Variants in KIF16B observed in about 807,000 individuals in gnomAD.
KIF16B encodes kinesin family member 16B, also known as kinesin-like protein KIF16B.
KIF16B carries 98 observed loss-of-function variants against 156.3 expected under a neutral mutation model. The observed-to-expected ratio is 0.63, with a 90% CI of 0.53 to 0.74. The LOEUF is 0.74. Among genes scored for constraint, KIF16B ranks in the 30% least tolerant of loss-of-function variants. The pLI, the probability that KIF16B is intolerant of heterozygous loss-of-function variation, is 0.00. For synonymous variants in KIF16B, 564 were observed against 583.7 expected (o/e 0.97, Z 0.49); for missense variants, 1,421 against 1,606.5 (o/e 0.88, Z 1.97).
At chr20:16,404,674 AC>A in intron 17 of KIF16B, 138 bp downstream of exon 17, 1 of 638,998 alleles carries the variant, frequency 1.6e-6, no homozygotes, top group Non-Finnish European at 2.8e-6. Context: ...CTGGAAAGGA[AC>A]TCGGAAAATG....
At chr20:16,381,866 A>T (rs1315544467) in intron 17 of KIF16B, 119 bp from the exon 18 acceptor site, 1 of 863,204 alleles carries the variant, frequency 1.2e-6, no homozygotes, top group Non-Finnish European at 1.8e-6. Context: ...ATTACTTTTA[A>T]TTACCACGGG....
In KIF16B at chr20:16,522,441, A is replaced by G. The variant is rs191066802; in HGVS notation, c.231+3651T>C. 1.3e-4 allele frequency among the ~76,000 whole-genome samples: 20 copies of G among 152,350 alleles called. No homozygotes were observed. The East Asian group carries it at 3.3e-3, about 25-fold the overall frequency. Reference sequence around the variant, plus strand: ...ACAAAGAAGGGCATTACATAATGTTAAAGGGATTAATGCAACAAGAAGAGC... The same window carrying G: ...ACAAAGAAGGGCATTACATAATGTTGAAGGGATTAATGCAACAAGAAGAGC... On this transcript the variant is annotated intron_variant, in intron 3 of 25. Coordinates refer to ENST00000354981, the MANE Select transcript of KIF16B (RefSeq NM_024704.5).
chr20:16,276,101 G>C (rs149977959), intron 25 of KIF16B, among the ~76,000 whole-genome samples: 2 of 152,330 alleles, frequency 1.3e-5, no homozygotes, highest in African/African-American at 4.8e-5. Flanking sequence ...CCCACAGGCT[G>C]CATTAACAGG....
At chr20:16,513,045 A>G in intron 4 of KIF16B, 122 bp from the exon 5 acceptor site, 1 of 674,040 alleles carries the variant, frequency 1.5e-6, no homozygotes. Flanking sequence ...CTGGCCTACC[A>G]CAGCCCACGC....
intron 22 of KIF16B, among the ~76,000 whole-genome samples, chr20:16,365,429 G>C (rs1475913950): frequency 6.6e-6 from 1 of 152,128 alleles, no homozygotes; most frequent in African/African-American, 2.4e-5. Context: ...TTTATGTGTG[G>C]GGGTAGGGGG....
In KIF16B at chr20:16,487,291, A is replaced by G. The variant is rs1361322897; in HGVS notation, c.1302+7000T>C. Among the ~76,000 whole-genome samples the G allele has an allele frequency of 2.0e-5, 3 of 151,982 alleles. No individual in the cohort carries two copies. In the East Asian group the frequency reaches 5.8e-4, roughly 29 times the overall value. ...TAACTGCATTTAAACGAGAGAGGCC[A>G]CAAAAAATGTTGTCTCTCCCATGCT... On this transcript the variant is annotated intron_variant, in intron 12 of 25. Transcript: ENST00000354981.
chr20:16,380,005 T>A lies in KIF16B; in HGVS notation c.1997A>T (p.Glu666Val). The change falls in exon 19 of 26, where the codon GAG becomes GTG. Residue 666 changes from glutamate to valine, a missense_variant. By Grantham distance (121) the Glu-to-Val change is moderately radical (BLOSUM62 -2). Coordinates refer to ENST00000354981, the MANE Select transcript of KIF16B (RefSeq NM_024704.5). ...ESLKRRSFHIENKLKDLLAEK... is the reference protein window; with the variant it reads ...ESLKRRSFHIVNKLKDLLAEK... ...CGCAAGTAAATCCTTTAGCTTGTTC[T>A]CGATGTGGAAGCTGCGGCGTTTGAG... is the stretch of plus-strand genomic sequence containing the variant. The A allele has an allele frequency of 6.2e-7, 1 of 1,605,284 alleles. No homozygotes were observed. Among genetic ancestry groups the A allele is most frequent in the Non-Finnish European group, 8.5e-7 (1 of 1,176,826 alleles).
In KIF16B at chr20:16,378,805, C is replaced by T; in HGVS notation, c.3197G>A (p.Arg1066Lys). 1 of 1,595,346 alleles carries T rather than the reference C, an allele frequency of 6.3e-7. No individual in the cohort carries two copies. Among genetic ancestry groups the T allele is most frequent in the Non-Finnish European group, 8.5e-7 (1 of 1,171,288 alleles). Residue 1066 changes from arginine to lysine, a missense_variant and splice_region_variant, in exon 19 of 26, where the codon AGG (arginine) becomes AAG (lysine). Physicochemically the swap from Arg to Lys is conservative, Grantham distance 26. Transcript: ENST00000354981. Reference protein sequence around the residue: ...EQEALEKDQERLEYEIQQLKQ... With the variant: ...EQEALEKDQEKLEYEIQQLKQ... Reference sequence around the variant, plus strand: ...CCACACCCTTCCTTCCCAATCTCACCTCTCCTGGTCCTTCTCCAGGGCTTC... The same window carrying T: ...CCACACCCTTCCTTCCCAATCTCACTTCTCCTGGTCCTTCTCCAGGGCTTC...
chr20:16,326,179 C>A (rs568794588), intron 24 of KIF16B, among the ~76,000 whole-genome samples: 1 of 151,954 alleles, frequency 6.6e-6, no homozygotes, highest in Admixed American at 6.5e-5. Flanking sequence ...AATAGAAGAC[C>A]TGAAACCATA....
At chr20:16,410,413 T>C (rs962626304) in intron 15 of KIF16B, among the ~76,000 whole-genome samples, 2 of 151,292 alleles carry the variant, frequency 1.3e-5, no homozygotes, top group African/African-American at 4.9e-5. Flanking sequence ...TTAGCCAAAA[T>C]GCTTGGGACA....
intron 1 of KIF16B, among the ~76,000 whole-genome samples, chr20:16,537,782 C>A (rs1403747781): frequency 6.8e-6 from 1 of 148,134 alleles, no homozygotes; most frequent in Admixed American, 6.9e-5. Flanking sequence ...TGGCTCACTG[C>A]AACCTCTGTC....
chr20:16,281,799 GC>G (rs2063150233), intron 25 of KIF16B, among the ~76,000 whole-genome samples: 2 of 152,048 alleles, frequency 1.3e-5, no homozygotes, highest in Admixed American at 1.3e-4. Flanking sequence ...CCTCACAGGT[GC>G]ATGCTGGCTG....
At chr20:16,407,870 T>A (rs1211339114) in intron 15 of KIF16B, among the ~76,000 whole-genome samples, 1 of 152,106 alleles carries the variant, frequency 6.6e-6, no homozygotes, top group Non-Finnish European at 1.5e-5. Context: ...TCTGGAGAGT[T>A]CACATAAAAG....
chr20:16,454,864 A>G (rs2067174294), intron 12 of KIF16B, among the ~76,000 whole-genome samples: 1 of 152,226 alleles, frequency 6.6e-6, no homozygotes, highest in Non-Finnish European at 1.5e-5. Context: ...TGAGCACCCT[A>G]GTTCTCAGAA....
At chr20:16,301,665 CT>C (rs937110157) in intron 25 of KIF16B, among the ~76,000 whole-genome samples, 1 of 151,440 alleles carries the variant, frequency 6.6e-6, no homozygotes, top group Non-Finnish European at 1.5e-5. Flanking sequence ...CCATTTTTTT[CT>C]TTTTTTTGAG....
chr20:16,422,260 A>T (rs2066244213), intron 15 of KIF16B, among the ~76,000 whole-genome samples: 2 of 152,074 alleles, frequency 1.3e-5, no homozygotes, highest in Admixed American at 1.3e-4. Context: ...ATAACCCCAA[A>T]ATTAAATTTT....
chr20:16,401,006 C>T (rs1205921655), intron 17 of KIF16B, among the ~76,000 whole-genome samples: 2 of 152,180 alleles, frequency 1.3e-5, no homozygotes, highest in Admixed American at 6.5e-5. Context: ...GCCCTGGAAA[C>T]CCACCCCTCA....
intron 23 of KIF16B, among the ~76,000 whole-genome samples, chr20:16,349,924 G>A (rs1413253601): frequency 6.6e-6 from 1 of 152,226 alleles, no homozygotes; most frequent in East Asian, 1.9e-4. Flanking sequence ...ATGGAAAGGA[G>A]AATGGCTGCC....
At chr20:16,413,838 C>A (rs2066019504) in intron 15 of KIF16B, among the ~76,000 whole-genome samples, 1 of 151,608 alleles carries the variant, frequency 6.6e-6, no homozygotes. Flanking sequence ...AGAAACCAAA[C>A]TCTGTCAGGA....
Sources: allele counts gnomAD v4.1 joint callset (sites outside exome capture counted in the v4.1 genomes callset), GRCh38; gene constraint gnomAD v4.1.1; transcripts MANE v1.5; gene names NCBI Gene and HGNC (gene_info 2026-07-23, HGNC 2026-07-21).